The following GALNT17 variants were observed in gnomAD, a reference collection of about 807,000 sequenced individuals.
GALNT17 encodes the protein UDP-GalNAc:polypeptide N-acetylgalactosaminyltransferase-like 3.
GALNT17 carries 29 observed loss-of-function variants against 63.7 expected under a neutral mutation model. That is an observed-to-expected ratio of 0.46 (90% CI 0.34 to 0.62). The LOEUF (loss-of-function observed/expected upper bound fraction) is 0.62, where lower values mean the gene tolerates loss of function less well. Ranked by LOEUF, GALNT17 falls within the 20% of genes least tolerant of loss-of-function variation. The pLI is 0.01. For missense variants in GALNT17, 603 were observed against 799.6 expected (o/e 0.75, Z 2.97); for synonymous variants, 305 against 318.3 (o/e 0.96, Z 0.45).
chr7:71,398,510 A>G (rs1264878863), intron 3 of GALNT17, among the ~76,000 whole-genome samples: 1 of 152,106 alleles, frequency 6.6e-6, no homozygotes, highest in Non-Finnish European at 1.5e-5. Context: ...GATGTTAATA[A>G]TATTTTTTGT....
chr7:71,604,532 C>T (rs570431398), intron 6 of GALNT17, among the ~76,000 whole-genome samples: 42 of 152,330 alleles, frequency 2.8e-4, no homozygotes, highest in Middle Eastern at 3.4e-3. Flanking sequence ...TAGCATTTCA[C>T]AGGCAAGGAA....
chr7:71,706,258 C>G (rs941908986), intron 9 of GALNT17, among the ~76,000 whole-genome samples: 1 of 152,184 alleles, frequency 6.6e-6, no homozygotes, highest in African/African-American at 2.4e-5. Flanking sequence ...CCCTCCTCAC[C>G]TGCCCCAGCC....
intron 3 of GALNT17, among the ~76,000 whole-genome samples, chr7:71,406,916 C>G (rs949165037): frequency 1.3e-5 from 2 of 151,850 alleles, no homozygotes; most frequent in Non-Finnish European, 2.9e-5. Context: ...AAAGCTAATT[C>G]TTACATATAT....
At chr7:71,665,647 T>C in intron 7 of GALNT17, 51 bp downstream of exon 7, 1 of 1,551,980 alleles carries the variant, frequency 6.4e-7, no homozygotes, top group Non-Finnish European at 8.7e-7. Flanking sequence ...ATCCTTACTG[T>C]TTGATCACTA....
At chr7:71,247,394 C>T (rs1249428657) in intron 1 of GALNT17, among the ~76,000 whole-genome samples, 1 of 152,224 alleles carries the variant, frequency 6.6e-6, no homozygotes, top group Admixed American at 6.5e-5. Flanking sequence ...GTGCTTACCT[C>T]CTTGGCAGTT....
chr7:71,645,581 T>TATAGCAGTGTGAAAATGAACTA (rs1438127767), intron 6 of GALNT17, among the ~76,000 whole-genome samples: 6 of 152,300 alleles, frequency 3.9e-5, no homozygotes, highest in Non-Finnish European at 8.8e-5. Flanking sequence ...GTAGTATCTT[T>TATAGCAGTGTGAAAATGAACTA]ATAGCAGTGT....
intron 3 of GALNT17, among the ~76,000 whole-genome samples, chr7:71,412,184 A>G (rs1793440823): frequency 6.6e-6 from 1 of 152,162 alleles, no homozygotes; most frequent in Non-Finnish European, 1.5e-5. Flanking sequence ...GCACGCCTTT[A>G]GTTCCAGCTG....
At chr7:71,634,753 C>CAAAAAA (rs35015537) in intron 6 of GALNT17, among the ~76,000 whole-genome samples, 1 of 110,214 alleles carries the variant, frequency 9.1e-6, no homozygotes, top group Non-Finnish European at 1.9e-5. Flanking sequence ...GACTCCATCT[C>CAAAAAA]AAAAAAAAAA....
intron 5 of GALNT17, among the ~76,000 whole-genome samples, chr7:71,542,786 C>T (rs1158744783): frequency 6.6e-6 from 1 of 151,492 alleles, no homozygotes; most frequent in Non-Finnish European, 1.5e-5. Flanking sequence ...TTGCATTCTA[C>T]TTTCCTTGTC....
intron 5 of GALNT17, among the ~76,000 whole-genome samples, chr7:71,443,457 G>A (rs1787104474): frequency 6.6e-6 from 1 of 152,166 alleles, no homozygotes; most frequent in Non-Finnish European, 1.5e-5. Flanking sequence ...GAATGGCTTG[G>A]TGCCCTCCTC....
chr7:71,480,351 GCA>G (rs1317620109), intron 5 of GALNT17, among the ~76,000 whole-genome samples: 2 of 151,576 alleles, frequency 1.3e-5, no homozygotes, highest in African/African-American at 4.8e-5. Flanking sequence ...GCGGACTCTT[GCA>G]CAGTCCTGGC....
chr7:71,594,667 G>C (rs1027058229), intron 6 of GALNT17, among the ~76,000 whole-genome samples: 1 of 152,172 alleles, frequency 6.6e-6, no homozygotes, highest in Non-Finnish European at 1.5e-5. Flanking sequence ...AAGGGGAGGA[G>C]GCAGGCAGGA....
At chr7:71,401,592 A>G (rs548793482) in intron 3 of GALNT17, among the ~76,000 whole-genome samples, 64 of 152,218 alleles carry the variant, frequency 4.2e-4, no homozygotes, top group African/African-American at 1.4e-3. Flanking sequence ...GCCACTCCCC[A>G]TTGCTCGCGT....
At chr7:71,196,088 C>T (rs1335659044) in intron 1 of GALNT17, among the ~76,000 whole-genome samples, 1 of 152,066 alleles carries the variant, frequency 6.6e-6, no homozygotes, top group Admixed American at 6.6e-5. Flanking sequence ...CAGACCTCCT[C>T]CCATGTGCCT....
intron 6 of GALNT17, among the ~76,000 whole-genome samples, chr7:71,616,293 C>T (rs1170367665): frequency 3.3e-5 from 5 of 151,938 alleles, no homozygotes; most frequent in South Asian, 2.1e-4. Context: ...CTTTCCCCCC[C>T]GTCCTCTCAG....
chr7:71,453,635 A>G (rs910655512), intron 5 of GALNT17, among the ~76,000 whole-genome samples: 13 of 152,142 alleles, frequency 8.5e-5, no homozygotes, highest in African/African-American at 3.1e-4. Flanking sequence ...TTGGGAGGGG[A>G]CACAGCCAAG....
intron 1 of GALNT17, among the ~76,000 whole-genome samples, chr7:71,164,461 C>T (rs908407452): frequency 2.0e-5 from 3 of 152,216 alleles, no homozygotes; most frequent in African/African-American, 7.2e-5. Context: ...CCACTAGGAT[C>T]CTCCCTCGAC....
intron 6 of GALNT17, among the ~76,000 whole-genome samples, chr7:71,654,423 G>A (rs1790798042): frequency 6.6e-6 from 1 of 152,212 alleles, no homozygotes; most frequent in Admixed American, 6.5e-5. Flanking sequence ...ACCAGCAAGA[G>A]TCCTAAGTGA....
chr7:71,187,833 C>G (rs975928071), intron 1 of GALNT17, among the ~76,000 whole-genome samples: 19 of 152,142 alleles, frequency 1.2e-4, no homozygotes, highest in African/African-American at 4.3e-4. Context: ...TTTTGGCGCA[C>G]CTATCACCCG....
Sources: allele counts gnomAD v4.1 joint callset (sites outside exome capture counted in the v4.1 genomes callset), GRCh38; gene constraint gnomAD v4.1.1; transcripts MANE v1.5; gene names NCBI Gene and HGNC (gene_info 2026-07-23, HGNC 2026-07-21).